Variants in HIP1 observed in about 807,000 individuals in gnomAD.
HIP1 encodes the protein huntingtin-interacting protein 1.
HIP1 carries 65 observed loss-of-function variants against 147.6 expected under a neutral mutation model. The ratio of observed to expected loss-of-function variants is 0.44; its 90% CI spans 0.36 to 0.54. HIP1 has a LOEUF of 0.54. HIP1 is among the 20% of genes least tolerant of loss of function. The pLI, the probability that HIP1 is intolerant of heterozygous loss-of-function variation, is 0.00. For synonymous variants in HIP1, 479 were observed against 504.0 expected, an observed-to-expected ratio of 0.95 and a Z score of 0.67; for missense variants, 1,061 against 1,299.6, an observed-to-expected ratio of 0.82 and a Z score of 2.82.
Position 75,639,459 on chromosome 7 carries a change from C to A in HIP1, c.121-40212G>T, listed in dbSNP as rs797043351. 7.9e-5 allele frequency among the ~76,000 whole-genome samples: 12 copies of A among 151,714 alleles called. 1 individual carries two copies. The highest frequency in any genetic ancestry group is 2.9e-4 in the African/African-American group (12 of 41,392). ...AGATCCCGCGGCCCCCGGGCTCGCA[C>A]GGCGAGGATGTGATTTGAATAACAA... On this transcript the variant is annotated intron_variant, in intron 1 of 30. Transcript: ENST00000336926.
At chr7:75,734,209 G>T (rs925366551) in intron 1 of HIP1, among the ~76,000 whole-genome samples, 2 of 151,758 alleles carry the variant, frequency 1.3e-5, no homozygotes, top group African/African-American at 4.8e-5. Flanking sequence ...TGGCGCCACT[G>T]CACTCCAGCC....
At chr7:75,579,274 T>C (rs1795954239) in intron 7 of HIP1, among the ~76,000 whole-genome samples, 1 of 152,196 alleles carries the variant, frequency 6.6e-6, no homozygotes, top group African/African-American at 2.4e-5. Context: ...CGGCTGAATG[T>C]CCCTTTCTCG....
At chr7:75,701,320 G>A (rs528541629) in intron 1 of HIP1, among the ~76,000 whole-genome samples, 4 of 152,212 alleles carry the variant, frequency 2.6e-5, no homozygotes, top group Admixed American at 1.3e-4. Flanking sequence ...CTTGAACCTC[G>A]GAGGCAGAGG....
At chr7:75,565,511 T>C (rs1795369346) in intron 9 of HIP1, among the ~76,000 whole-genome samples, 1 of 152,092 alleles carries the variant, frequency 6.6e-6, no homozygotes. Flanking sequence ...AGGAGGTGGG[T>C]ACAACCACAC....
chr7:75,549,868 G>C (rs2116776329), intron 22 of HIP1, among the ~76,000 whole-genome samples: 1 of 149,122 alleles, frequency 6.7e-6, no homozygotes, highest in Non-Finnish European at 1.5e-5. Flanking sequence ...TAGAGATGGG[G>C]TCTCACTATG....
chr7:75,629,482 C>T (rs184079551), intron 1 of HIP1, among the ~76,000 whole-genome samples: 109 of 152,296 alleles, frequency 7.2e-4, no homozygotes, highest in African/African-American at 2.5e-3. Context: ...GTCTTTTAAT[C>T]ATTCATGCAT....
chr7:75,611,813 T>C (rs373182336), intron 1 of HIP1: 2 of 1,032,156 alleles, frequency 1.9e-6, no homozygotes, highest in African/African-American at 3.4e-5. Context: ...CAGGCCCTCG[T>C]GTCCCCGGCT....
chr7:75,555,852 C>T (rs1432182164), intron 18 of HIP1, among the ~76,000 whole-genome samples, 174 bp downstream of exon 18: 2 of 152,172 alleles, frequency 1.3e-5, no homozygotes, highest in Non-Finnish European at 2.9e-5. Flanking sequence ...CCCTCATGGA[C>T]TCTGCAGGCA....
At chr7:75,639,877 G>A (rs1162392506) in intron 1 of HIP1, among the ~76,000 whole-genome samples, 1 of 152,162 alleles carries the variant, frequency 6.6e-6, no homozygotes, top group Non-Finnish European at 1.5e-5. Flanking sequence ...GCAATTGGGA[G>A]GAAGTGGAAC....
chr7:75,579,204 GTTTTAT>G (rs1795951405), intron 7 of HIP1, among the ~76,000 whole-genome samples: 1 of 152,110 alleles, frequency 6.6e-6, no homozygotes, highest in African/African-American at 2.4e-5. Context: ...TAGATTCTGC[GTTTTAT>G]TTTTATTTCT....
chr7:75,554,183 G>T lies in HIP1; in HGVS notation c.2088C>A (p.Ala696=), dbSNP rs781846090. 1.9e-6 allele frequency: 3 copies of T among 1,614,068 alleles called. No individual in the cohort carries two copies. The highest frequency in any genetic ancestry group is 2.5e-6 in the Non-Finnish European group (3 of 1,180,018). ...SGLLHSITLL[A]HLTSDAIAHG... ...GAGCAATGGCGTCGCTGGTCAAGTG[G>T]GCCAGCAGGGTTATGGAATGGAGAA... is the stretch of plus-strand genomic sequence containing the variant. The change falls in exon 21 of 31, where the codon GCC becomes GCA. Residue 696 remains alanine, a synonymous_variant. Coordinates refer to ENST00000336926, the MANE Select transcript of HIP1 (RefSeq NM_005338.7).
chr7:75,721,372 TA>T (rs201385751), intron 1 of HIP1, among the ~76,000 whole-genome samples: 7 of 148,650 alleles, frequency 4.7e-5, no homozygotes, highest in South Asian at 2.1e-4. Flanking sequence ...GGACTCTATC[TA>T]AAAAAAAAAT....
chr7:75,588,350 G>A (rs1388480135), intron 4 of HIP1, among the ~76,000 whole-genome samples: 1 of 152,052 alleles, frequency 6.6e-6, no homozygotes, highest in Non-Finnish European at 1.5e-5. Flanking sequence ...GCACCAAAAG[G>A]GACGGAGGAC....
chr7:75,639,712 G>T (rs1015996758), intron 1 of HIP1, among the ~76,000 whole-genome samples: 2 of 151,982 alleles, frequency 1.3e-5, no homozygotes. Flanking sequence ...GATGGGGGGC[G>T]CAGGAGGCCG....
intron 1 of HIP1, among the ~76,000 whole-genome samples, chr7:75,660,412 A>C (rs1311984673): frequency 6.6e-6 from 1 of 152,090 alleles, no homozygotes; most frequent in Non-Finnish European, 1.5e-5. Flanking sequence ...CAGTGGTCCC[A>C]GCTACTTGGG....
chr7:75,729,239 C>T (rs1335407104), intron 1 of HIP1, among the ~76,000 whole-genome samples: 3 of 124,580 alleles, frequency 2.4e-5, no homozygotes, highest in Non-Finnish European at 4.7e-5. Context: ...GAGGCTGAGG[C>T]GAGAGGATCG....
rs1236394691 is a variant in HIP1, at chr7:75,537,309, C to T, written c.*863G>A. On this transcript the variant is annotated 3_prime_UTR_variant, in exon 31 of 31. Transcript: ENST00000336926. Reference sequence around the variant, plus strand: ...GGAGGGAAAGGCACTCACTCTCCTTCTGCTTTTTGAGGAAAGCTGTCACTC... The same window carrying T: ...GGAGGGAAAGGCACTCACTCTCCTTTTGCTTTTTGAGGAAAGCTGTCACTC... The T allele has an allele frequency of 1.7e-5, 4 of 233,082 alleles. No individual in the cohort carries two copies. The East Asian group carries it at 2.4e-4, about 14-fold the overall frequency. The allele number at this position is 233,082 out of a possible 1,614,324, so 14.4% of individuals were successfully genotyped here. A position where few individuals can be genotyped will look rare whatever the true frequency, so the allele number is the denominator to read the frequency against.
At position 75,638,214 on chromosome 7, in the gene HIP1, C is replaced by G. The variant is rs898659762; in HGVS notation, c.121-38967G>C. On this transcript the variant is annotated intron_variant, in intron 1 of 30. Transcript: ENST00000336926. Reference sequence around the variant, plus strand: ...CTTAAATCTCCATTCAGAGTGACAGCCAATCAAGACCCCTGGGAAAACCTG... The same window carrying G: ...CTTAAATCTCCATTCAGAGTGACAGGCAATCAAGACCCCTGGGAAAACCTG... Among the ~76,000 whole-genome samples, 10 of 151,912 alleles carry G rather than the reference C, an allele frequency of 6.6e-5. No homozygotes were observed. In the South Asian group the frequency reaches 8.3e-4, roughly 13 times the overall value.
chr7:75,690,024 C>A (rs1231308423), intron 1 of HIP1, among the ~76,000 whole-genome samples: 1 of 152,072 alleles, frequency 6.6e-6, no homozygotes, highest in Non-Finnish European at 1.5e-5. Context: ...AATCCTAGCA[C>A]TTTGGGAGGC....
Sources: allele counts gnomAD v4.1 joint callset (sites outside exome capture counted in the v4.1 genomes callset), GRCh38; gene constraint gnomAD v4.1.1; transcripts MANE v1.5; gene names NCBI Gene and HGNC (gene_info 2026-07-23, HGNC 2026-07-21).